The following FAT4 variants were observed in gnomAD, a reference collection of about 807,000 sequenced individuals.
FAT4 encodes the protein FAT atypical cadherin 4.
FAT4 carries 84 observed loss-of-function variants against 303.9 expected under a neutral mutation model. The ratio of observed to expected loss-of-function variants is 0.28; its 90% CI spans 0.23 to 0.33. FAT4 has a LOEUF of 0.33. Among genes scored for constraint, FAT4 ranks in the 10% least tolerant of loss-of-function variants. The pLI is 1.00. For missense variants in FAT4, 6,005 were observed against 6,146.8 expected (o/e 0.98, Z 0.77); for synonymous variants, 2,307 against 2,298.8 (o/e 1.00, Z -0.10).
intron 15 of FAT4, among the ~76,000 whole-genome samples, chr4:125,480,368 T>C (rs1336102870): frequency 2.0e-5 from 3 of 152,152 alleles, no homozygotes; most frequent in African/African-American, 4.8e-5. Flanking sequence ...TGAATATTAC[T>C]TTTTAAAATC....
chr4:125,451,561 A>G lies in FAT4; in HGVS notation c.10551A>G (p.Gly3517=), dbSNP rs754715005. 1.9e-6 allele frequency: 3 copies of G among 1,614,154 alleles called. No homozygotes were observed. Among genetic ancestry groups the G allele is most frequent in the Admixed American group, 3.3e-5 (2 of 60,010 alleles). The change falls in exon 10 of 18, where the codon GGA becomes GGG. Residue 3517 remains glycine (G), a synonymous_variant. Coordinates refer to ENST00000394329, the MANE Select transcript of FAT4 (RefSeq NM_001291303.3). Reference sequence around the variant, plus strand: ...GGCCCATGCTGACTGTCAGTGAAGGAGAAGTCATGGAAAACAAACGGCCAG... The same window carrying G: ...GGCCCATGCTGACTGTCAGTGAAGGGGAAGTCATGGAAAACAAACGGCCAG... The part of the protein sequence containing the change: ...DNGPMLTVSE[G]EVMENKRPGT...
Position 125,490,954 on chromosome 4 carries a change from C to T in FAT4, c.14138C>T (p.Thr4713Met), listed in dbSNP as rs770459923. The T allele has an allele frequency of 3.3e-5, 54 of 1,614,076 alleles. No homozygotes were observed. The highest frequency in any genetic ancestry group is 3.3e-4 in the Middle Eastern group (2 of 6,084). Residue 4713 changes from threonine (T) to methionine (M), a missense_variant, in exon 18 of 18, where the codon ACG (threonine) becomes ATG (methionine). Physicochemically the swap from Thr to Met is moderately conservative, Grantham distance 81. Coordinates refer to ENST00000394329, the MANE Select transcript of FAT4 (RefSeq NM_001291303.3). ...HSPAPFSKSS[T>M]FYRNSPAREL... ...CCAGCCCCTTTCTCCAAATCTTCTA[C>T]GTTCTATAGAAACAGCCCAGCAAGG...
At chr4:125,460,312 T>A (rs1726439042) in intron 10 of FAT4, among the ~76,000 whole-genome samples, 1 of 152,024 alleles carries the variant, frequency 6.6e-6, no homozygotes, top group Non-Finnish European at 1.5e-5. Flanking sequence ...AGGTTCTGGG[T>A]ACATGTGAAG....
At chr4:125,377,347 G>T (rs1009507591) in intron 2 of FAT4, among the ~76,000 whole-genome samples, 4 of 151,770 alleles carry the variant, frequency 2.6e-5, no homozygotes, top group African/African-American at 9.7e-5. Context: ...AAAACAAAAA[G>T]CTATTCACTG....
At chr4:125,482,484 C>T (rs963970320) in intron 16 of FAT4, among the ~76,000 whole-genome samples, 4 of 152,068 alleles carry the variant, frequency 2.6e-5, no homozygotes, top group Non-Finnish European at 5.9e-5. Flanking sequence ...CTATGTTCTG[C>T]TTTCTTTCCC....
At chr4:125,420,827 G>A (rs576239986) in intron 7 of FAT4, among the ~76,000 whole-genome samples, 7 of 152,274 alleles carry the variant, frequency 4.6e-5, no homozygotes, top group South Asian at 2.1e-4. Context: ...TAGACAGGTC[G>A]TATTGCTACT....
chr4:125,429,881 A>G (rs1725222759), intron 7 of FAT4, among the ~76,000 whole-genome samples: 1 of 152,176 alleles, frequency 6.6e-6, no homozygotes, highest in African/African-American at 2.4e-5. Context: ...GACGGAAGAT[A>G]AAGTAATAGT....
At chr4:125,328,733 A>G (rs1458598477) in intron 2 of FAT4, among the ~76,000 whole-genome samples, 2 of 152,218 alleles carry the variant, frequency 1.3e-5, no homozygotes, top group Non-Finnish European at 2.9e-5. Context: ...GGAGGTAGAT[A>G]CAACATATCA....
In FAT4 at chr4:125,321,106, T is replaced by C. The variant is rs1383359306; in HGVS notation, c.4695T>C (p.Tyr1565=). ...PDEGANGEIE[Y]EIINGDTDTF... The stretch of plus-strand genomic sequence containing the variant: ...AAGGTGCTAATGGAGAAATAGAGTA[T>C]GAGATCATCAATGGGGACACAGACA... Residue 1565 remains tyrosine, a synonymous_variant, in exon 2 of 18, where the codon TAT becomes TAC. Transcript: ENST00000394329. 1.2e-6 allele frequency: 2 copies of C among 1,614,146 alleles called. No homozygotes were observed. The highest frequency in any genetic ancestry group is 2.2e-5 in the South Asian group (2 of 91,090).
chr4:125,468,621 C>A lies in FAT4; in HGVS notation c.12015C>A (p.Ala4005=). 6.2e-7 allele frequency: 1 copy of A among 1,613,962 alleles called. No homozygotes were observed. Among genetic ancestry groups the A allele is most frequent in the East Asian group, 2.2e-5 (1 of 44,858 alleles). The change falls in exon 12 of 18, where the codon GCC becomes GCA. Residue 4005 remains alanine, a synonymous_variant. Coordinates refer to ENST00000394329, the MANE Select transcript of FAT4 (RefSeq NM_001291303.3). ...PNNNYIYVKF[A]TIKSHALLLY... is the part of the protein sequence containing the mutation. ...ACAACTATATTTATGTCAAATTTGC[C>A]ACGATTAAAAGTCATGCCTTATTGC...
At chr4:125,354,388 G>C (rs1248088381) in intron 2 of FAT4, among the ~76,000 whole-genome samples, 1 of 151,620 alleles carries the variant, frequency 6.6e-6, no homozygotes, top group Non-Finnish European at 1.5e-5. Context: ...GTTATATATG[G>C]ATATAGTCAA....
At chr4:125,445,030 C>T (rs1367450909) in intron 8 of FAT4, among the ~76,000 whole-genome samples, 2 of 151,990 alleles carry the variant, frequency 1.3e-5, no homozygotes, top group Non-Finnish European at 1.5e-5. Flanking sequence ...ACCTAATAGT[C>T]ACTTCTGGCC....
chr4:125,472,458 C>T (rs561201963), intron 12 of FAT4, among the ~76,000 whole-genome samples: 4 of 151,976 alleles, frequency 2.6e-5, no homozygotes, highest in African/African-American at 9.6e-5. Flanking sequence ...CCCTATGACA[C>T]GTAGTTAATT....
chr4:125,385,026 T>TA (rs1560790810), intron 2 of FAT4, among the ~76,000 whole-genome samples: 801 of 52,672 alleles, frequency 0.015, 7 homozygotes, highest in African/African-American at 0.029. Context: ...ATATATATAT[T>TA]TTTTTTTTTT....
In FAT4 at chr4:125,321,572, A is replaced by G. The variant is rs904769252; in HGVS notation, c.5161A>G (p.Thr1721Ala). The change falls in exon 2 of 18, where the codon ACA becomes GCA. Residue 1721 changes from threonine to alanine, a missense_variant. Thr to Ala is a moderately conservative substitution (Grantham distance 58). Transcript: ENST00000394329. ...AIEKSTAFPR[T>A]QRAEVEITLQ... Reference sequence around the variant, plus strand: ...AGAAAAATCAACTGCTTTTCCCAGAACACAGAGAGCAGAGGTAATGATTTT... The same window carrying G: ...AGAAAAATCAACTGCTTTTCCCAGAGCACAGAGAGCAGAGGTAATGATTTT... 6.2e-7 allele frequency: 1 copy of G among 1,609,210 alleles called. No homozygotes were observed.
intron 14 of FAT4, among the ~76,000 whole-genome samples, chr4:125,478,100 AT>A (rs1401024523): frequency 6.6e-6 from 1 of 152,220 alleles, no homozygotes; most frequent in Non-Finnish European, 1.5e-5. Flanking sequence ...TGATGAACAC[AT>A]TTTCACAAAA....
chr4:125,489,847 C>CTT lies in FAT4; in HGVS notation c.13085-34_13085-33dup, dbSNP rs60144993. ...AGAACCCAGCAGTGTAGTATAAGCT[C>CTT]TTTTTTTTTTTTTTTTTTTTTGTAA... is the stretch of plus-strand genomic sequence containing the variant. On this transcript the variant is annotated intron_variant, in intron 17 of 17. Coordinates refer to ENST00000394329, the MANE Select transcript of FAT4 (RefSeq NM_001291303.3). The CTT allele has an allele frequency of 2.0e-3, 907 of 447,850 alleles. 116 individuals carry two copies. The highest frequency in any genetic ancestry group is 5.8e-3 in the East Asian group (77 of 13,224). 27.7% of individuals were successfully genotyped at this position (447,850 alleles called of 1,614,324 possible).
intron 15 of FAT4, 69 bp downstream of exon 15, chr4:125,479,934 G>A (rs1350971004): frequency 8.2e-7 from 1 of 1,214,580 alleles, no homozygotes; most frequent in South Asian, 2.6e-5. Flanking sequence ...ATGCACCCAA[G>A]TATGTAATCA....
In FAT4 at chr4:125,318,658, G is replaced by A. The variant is rs751758773; in HGVS notation, c.2247G>A (p.Met749Ile). Residue 749 changes from methionine (M) to isoleucine (I), a missense_variant, in exon 2 of 18, where the codon ATG becomes ATA. By Grantham distance (10) the Met-to-Ile change is conservative. Transcript: ENST00000394329. The stretch of plus-strand genomic sequence containing the variant: ...AGAGTGGGGTTATTTCTACAAGAAT[G>A]GCCCTAGACAGAGAAGAAAAAACAG... ...NAQSGVISTRMALDREEKTAY... is the reference protein window; with the variant it reads ...NAQSGVISTRIALDREEKTAY... 1.2e-5 allele frequency: 19 copies of A among 1,613,978 alleles called. No homozygotes were observed. The highest frequency in any genetic ancestry group is 1.7e-5 in the Admixed American group (1 of 60,000).
Sources: allele counts gnomAD v4.1 joint callset (sites outside exome capture counted in the v4.1 genomes callset), GRCh38; gene constraint gnomAD v4.1.1; transcripts MANE v1.5; gene names NCBI Gene and HGNC (gene_info 2026-07-23, HGNC 2026-07-21).